GULP1: variants seen among roughly 807,000 people sequenced by gnomAD.
GULP1 encodes GULP PTB domain containing engulfment adaptor 1, also known as PTB domain-containing engulfment adapter protein 1.
GULP1 carries 19 observed loss-of-function variants against 40.9 expected under a neutral mutation model. That is an observed-to-expected ratio of 0.46 (90% confidence interval 0.32 to 0.68). GULP1 has a LOEUF of 0.68. GULP1 is among the 30% of genes least tolerant of loss of function. The probability of loss-of-function intolerance (pLI) is 0.03; values close to 1 mark genes in which losing one functional copy is unlikely to be tolerated. For synonymous variants in GULP1, 119 were observed against 117.6 expected (o/e 1.01, Z -0.08); for missense variants, 312 against 362.2 (o/e 0.86, Z 1.12).
intron 1 of GULP1, among the ~76,000 whole-genome samples, chr2:188,298,518 T>C (rs1306619435): frequency 6.6e-6 from 1 of 152,140 alleles, no homozygotes; most frequent in Non-Finnish European, 1.5e-5. Flanking sequence ...TAAAATAGCA[T>C]TGTTTTAGAG....
intron 2 of GULP1, among the ~76,000 whole-genome samples, chr2:188,450,582 T>C (rs960523655): frequency 2.0e-5 from 3 of 152,104 alleles, no homozygotes; most frequent in African/African-American, 7.2e-5. Flanking sequence ...ATTATATATT[T>C]TTCCCTGAAT....
At chr2:188,421,016 A>G (rs2055328989) in intron 2 of GULP1, among the ~76,000 whole-genome samples, 1 of 152,132 alleles carries the variant, frequency 6.6e-6, no homozygotes, top group African/African-American at 2.4e-5. Flanking sequence ...CAGATAGTTC[A>G]TTTCCATTTC....
intron 9 of GULP1, among the ~76,000 whole-genome samples, chr2:188,583,610 A>G (rs1420745634): frequency 6.6e-6 from 1 of 152,180 alleles, no homozygotes; most frequent in Non-Finnish European, 1.5e-5. Flanking sequence ...CCCAGACTGT[A>G]TCAGAAAACT....
intron 5 of GULP1, among the ~76,000 whole-genome samples, chr2:188,526,152 T>C (rs940276851): frequency 6.6e-6 from 1 of 152,220 alleles, no homozygotes; most frequent in African/African-American, 2.4e-5. Flanking sequence ...TTAACAGTTC[T>C]ATTTATCAGT....
At chr2:188,591,757 G>GA (rs1307623828) in intron 11 of GULP1, 1 of 148,936 alleles carries the variant, frequency 6.7e-6, no homozygotes. Context: ...TGTATAGATA[G>GA]AAAAAAAGAC....
intron 2 of GULP1, among the ~76,000 whole-genome samples, chr2:188,390,567 C>G (rs1318400923): frequency 3.3e-5 from 5 of 151,968 alleles, no homozygotes; most frequent in African/African-American, 1.2e-4. Flanking sequence ...TATGTGTTGT[C>G]TGTTTATTCT....
At chr2:188,548,862 T>TGTTTC (rs71020753) in intron 7 of GULP1, among the ~76,000 whole-genome samples, 2 of 151,824 alleles carry the variant, frequency 1.3e-5, no homozygotes, top group Non-Finnish European at 2.9e-5. Flanking sequence ...TGTTTTGTTT[T>TGTTTC]ATTTTGTTTT....
chr2:188,397,666 G>A (rs1476888920), intron 2 of GULP1, among the ~76,000 whole-genome samples: 2 of 152,190 alleles, frequency 1.3e-5, no homozygotes, highest in African/African-American at 4.8e-5. Flanking sequence ...AGGAATGTGG[G>A]CACAGCTTAG....
intron 1 of GULP1, among the ~76,000 whole-genome samples, chr2:188,334,544 T>C (rs2042022576): frequency 6.6e-6 from 1 of 152,196 alleles, no homozygotes; most frequent in Admixed American, 6.5e-5. Context: ...CTCAGGTTGA[T>C]TCCCATTTGC....
chr2:188,543,196 A>T (rs568661930), intron 7 of GULP1, among the ~76,000 whole-genome samples: 85 of 152,258 alleles, frequency 5.6e-4, no homozygotes, highest in African/African-American at 8.9e-4. Context: ...TATAATTAAA[A>T]AAATAAATAA....
intron 11 of GULP1, chr2:188,589,632 A>G: frequency 1.9e-6 from 1 of 530,114 alleles, no homozygotes; most frequent in Non-Finnish European, 3.3e-6. Flanking sequence ...TATTGGGATG[A>G]TTGAGTGATG....
chr2:188,521,419 C>T (rs1305850009), intron 4 of GULP1, among the ~76,000 whole-genome samples: 2 of 152,132 alleles, frequency 1.3e-5, no homozygotes, highest in Non-Finnish European at 2.9e-5. Context: ...CTAATAAAGA[C>T]ATACCCAAGA....
intron 2 of GULP1, among the ~76,000 whole-genome samples, chr2:188,470,561 C>A (rs546282161): frequency 7.2e-5 from 11 of 152,044 alleles, no homozygotes; most frequent in African/African-American, 2.2e-4. Flanking sequence ...CTATAAACTT[C>A]CCTCTTAGTA....
At chr2:188,358,568 A>G (rs529966019) in intron 1 of GULP1, among the ~76,000 whole-genome samples, 4 of 152,288 alleles carry the variant, frequency 2.6e-5, no homozygotes, top group South Asian at 4.1e-4. Flanking sequence ...ATCATTACAC[A>G]TAGTATACAT....
rs188659121 is a variant in GULP1, at chr2:188,520,193, A to G, written c.91-2563A>G. On this transcript the variant is annotated intron_variant, in intron 4 of 11. Coordinates refer to ENST00000409830, the MANE Select transcript of GULP1 (RefSeq NM_016315.4). ...AGTGAGGCAAACTGAAAGCCTGTTC[A>G]TATCTTATCTAGGGCCTCTTAACAA... is the stretch of plus-strand genomic sequence containing the variant. 6.6e-5 allele frequency among the ~76,000 whole-genome samples: 10 copies of G among 152,202 alleles called. No homozygotes were observed. The South Asian group carries it at 1.5e-3, about 22-fold the overall frequency.
intron 2 of GULP1, among the ~76,000 whole-genome samples, chr2:188,395,237 G>T (rs1384950800): frequency 4.6e-5 from 7 of 152,164 alleles, no homozygotes; most frequent in Non-Finnish European, 1.5e-5. Context: ...TTACACTACT[G>T]ACTCAGTATT....
At chr2:188,403,080 C>T (rs2052540567) in intron 2 of GULP1, among the ~76,000 whole-genome samples, 1 of 152,052 alleles carries the variant, frequency 6.6e-6, no homozygotes, top group Non-Finnish European at 1.5e-5. Context: ...AAATGTCAAA[C>T]ACCTAGTCAG....
intron 2 of GULP1, among the ~76,000 whole-genome samples, chr2:188,470,588 C>G (rs1438894946): frequency 6.6e-6 from 1 of 152,006 alleles, no homozygotes; most frequent in East Asian, 1.9e-4. Context: ...TGGCTGTATT[C>G]CATAGGTTTT....
At chr2:188,500,391 G>T (rs1418795766) in intron 4 of GULP1, among the ~76,000 whole-genome samples, 1 of 151,926 alleles carries the variant, frequency 6.6e-6, no homozygotes, top group Non-Finnish European at 1.5e-5. Flanking sequence ...GGAAGCTAAT[G>T]ATAAGCCACA....
Sources: allele counts gnomAD v4.1 joint callset (sites outside exome capture counted in the v4.1 genomes callset), GRCh38; gene constraint gnomAD v4.1.1; transcripts MANE v1.5; gene names NCBI Gene and HGNC (gene_info 2026-07-23, HGNC 2026-07-21).